BMAL2: variants seen among roughly 807,000 people sequenced by gnomAD.
The protein encoded by BMAL2 is basic helix-loop-helix ARNT like 2, also known as basic helix-loop-helix ARNT-like protein 2.
the BMAL2 span, chr12:27,333,007 G>A: frequency 6.1e-6 from 7 of 1,153,846 alleles, no homozygotes; most frequent in Non-Finnish European, 7.5e-6. Flanking sequence ...GCCGGGGCAG[G>A]GCGGGCCCGG....
chr12:27,420,330 A>G, the BMAL2 span: 27 of 1,579,248 alleles, frequency 1.7e-5, no homozygotes, highest in South Asian at 3.0e-4. Context: ...TTTAACCTCA[A>G]AATGTGTGAA....
chr12:27,381,307 A>G, the BMAL2 span, among the ~76,000 whole-genome samples: 1 of 152,208 alleles, frequency 6.6e-6, no homozygotes, highest in Non-Finnish European at 1.5e-5. Flanking sequence ...TTGCATTGCT[A>G]TGAAGGAATA....
At chr12:27,384,316 C>T in the BMAL2 span, among the ~76,000 whole-genome samples, 1 of 152,102 alleles carries the variant, frequency 6.6e-6, no homozygotes, top group Admixed American at 6.5e-5. Context: ...GCTTTAGAGA[C>T]TTTCATTTTA....
At chr12:27,402,084 C>T in the BMAL2 span, among the ~76,000 whole-genome samples, 13 of 152,084 alleles carry the variant, frequency 8.5e-5, no homozygotes, top group African/African-American at 1.4e-4. Context: ...ATGCTCAGCA[C>T]GGGGGAGAAC....
the BMAL2 span, among the ~76,000 whole-genome samples, chr12:27,359,946 A>C: frequency 1.4e-5 from 2 of 145,826 alleles, no homozygotes; most frequent in South Asian, 4.6e-4. Context: ...CCAGCTACTT[A>C]GGAGGCTGAG....
the BMAL2 span, among the ~76,000 whole-genome samples, chr12:27,372,148 T>G: frequency 6.6e-6 from 1 of 150,716 alleles, no homozygotes; most frequent in Non-Finnish European, 1.5e-5. Flanking sequence ...GGAGAATTGC[T>G]TGAACCTAGG....
chr12:27,401,337 A>G, the BMAL2 span: 1 of 1,614,080 alleles, frequency 6.2e-7, no homozygotes, highest in Non-Finnish European at 8.5e-7. Context: ...GATGACCACA[A>G]TAATTTGACT....
chr12:27,365,801 G>A, the BMAL2 span, among the ~76,000 whole-genome samples: 1 of 148,866 alleles, frequency 6.7e-6, no homozygotes, highest in African/African-American at 2.5e-5. Context: ...AAGAAACTTT[G>A]TTTAGCTTTT....
chr12:27,366,131 C>G, the BMAL2 span, among the ~76,000 whole-genome samples: 1 of 151,874 alleles, frequency 6.6e-6, no homozygotes, highest in African/African-American at 2.4e-5. Flanking sequence ...TCTTTTTGTT[C>G]CTGGCTTCCA....
At chr12:27,417,569 G>A in the BMAL2 span, among the ~76,000 whole-genome samples, 10 of 152,136 alleles carry the variant, frequency 6.6e-5, no homozygotes, top group African/African-American at 1.7e-4. Flanking sequence ...GCTGCCTCAC[G>A]GTATCTGAGA....
chr12:27,353,862 A>G, the BMAL2 span, among the ~76,000 whole-genome samples: 6 of 152,270 alleles, frequency 3.9e-5, no homozygotes, highest in East Asian at 9.7e-4. Flanking sequence ...CAAAACCACA[A>G]TGAAATCCCA....
the BMAL2 span, among the ~76,000 whole-genome samples, chr12:27,386,007 G>C: frequency 1.3e-5 from 2 of 152,122 alleles, no homozygotes; most frequent in Admixed American, 6.6e-5. Flanking sequence ...CCGGTCTAGA[G>C]GGGAAACTGT....
chr12:27,420,313 A>G, the BMAL2 span: 1 of 1,552,420 alleles, frequency 6.4e-7, no homozygotes. Context: ...TTTTATCACA[A>G]TCATTTTTTA....
At chr12:27,362,156 G>T in the BMAL2 span, among the ~76,000 whole-genome samples, 4 of 152,124 alleles carry the variant, frequency 2.6e-5, no homozygotes, top group Admixed American at 2.0e-4. Context: ...GGTATGCTGT[G>T]GTTTAACGGG....
At chr12:27,345,676 T>G in the BMAL2 span, among the ~76,000 whole-genome samples, 3 of 151,796 alleles carry the variant, frequency 2.0e-5, no homozygotes, top group South Asian at 6.3e-4. Context: ...TGTACTTTTG[T>G]TTTTTTTGTA....
At chr12:27,349,881 G>T in the BMAL2 span, among the ~76,000 whole-genome samples, 3 of 152,248 alleles carry the variant, frequency 2.0e-5, no homozygotes, top group South Asian at 6.2e-4. Context: ...TGCTCTTGCT[G>T]TGCCTGCTGC....
the BMAL2 span, among the ~76,000 whole-genome samples, chr12:27,400,245 A>T: frequency 6.6e-6 from 1 of 152,164 alleles, no homozygotes; most frequent in African/African-American, 2.4e-5. Flanking sequence ...ATTGACTTGG[A>T]AATATGTTAA....
chr12:27,347,058 G>T, the BMAL2 span, among the ~76,000 whole-genome samples: 1 of 152,130 alleles, frequency 6.6e-6, no homozygotes, highest in Non-Finnish European at 1.5e-5. Context: ...ACCAGAAGCA[G>T]ATGTCCCATC....
At chr12:27,411,150 C>T in the BMAL2 span, among the ~76,000 whole-genome samples, 1 of 151,862 alleles carries the variant, frequency 6.6e-6, no homozygotes, top group Non-Finnish European at 1.5e-5. Flanking sequence ...TCTTTTGAGG[C>T]AGGGTCTTGC....
Sources: allele counts gnomAD v4.1 joint callset (sites outside exome capture counted in the v4.1 genomes callset), GRCh38; gene constraint gnomAD v4.1.1; transcripts MANE v1.5; gene names NCBI Gene and HGNC (gene_info 2026-07-23, HGNC 2026-07-21).